The following F2R variants were observed in gnomAD, a reference collection of about 807,000 sequenced individuals.
F2R encodes the protein proteinase-activated receptor 1.
Under a neutral mutation model 18.3 loss-of-function variants are expected in F2R, and 12 were observed. The ratio of observed to expected loss-of-function variants is 0.66; its 90% CI spans 0.42 to 1.06. The LOEUF is 1.06. Ranked by LOEUF, F2R falls within the 50% of genes least tolerant of loss-of-function variation. F2R has a pLI of 0.00. For missense variants in F2R, 438 were observed against 530.8 expected (o/e 0.83, Z 1.72); for synonymous variants, 210 against 219.9 (o/e 0.95, Z 0.40).
At position 76,716,634 on chromosome 5, in the gene F2R, G is replaced by C. The variant is rs1435306453; in HGVS notation, c.88+239G>C. On this transcript the variant is annotated intron_variant, in intron 1 of 1. Coordinates refer to ENST00000319211, the MANE Select transcript of F2R (RefSeq NM_001992.5). ...TGGAGGGTGCAGCCCGCCTGCCACG[G>C]GGTGTTGGATATGGAGGAGGATGGA... The C allele has an allele frequency of 4.1e-6, 3 of 740,250 alleles. No homozygotes were observed. In the South Asian group the frequency reaches 4.3e-5, roughly 11 times the overall value. The allele number at this position is 740,250 out of a possible 1,614,324, so 45.9% of individuals were successfully genotyped here. A position where few individuals can be genotyped will look rare whatever the true frequency, so the allele number is the denominator to read the frequency against.
chr5:76,718,733 T>C (rs1344434336), intron 1 of F2R, among the ~76,000 whole-genome samples: 1 of 152,240 alleles, frequency 6.6e-6, no homozygotes, highest in Non-Finnish European at 1.5e-5. Flanking sequence ...GTCTAGACAA[T>C]TTAAGTGAGA....
intron 1 of F2R, among the ~76,000 whole-genome samples, chr5:76,728,431 G>A (rs937908884): frequency 1.1e-4 from 16 of 151,968 alleles, no homozygotes; most frequent in Non-Finnish European, 2.9e-5. Context: ...CCACATATAA[G>A]TGAAATCATG....
At chr5:76,729,981 T>C (rs1189645034) in intron 1 of F2R, among the ~76,000 whole-genome samples, 1 of 152,172 alleles carries the variant, frequency 6.6e-6, no homozygotes, top group East Asian at 1.9e-4. Context: ...TGTGACTTGC[T>C]CCTCCTTACC....
At chr5:76,726,763 T>A (rs1218607438) in intron 1 of F2R, among the ~76,000 whole-genome samples, 2 of 152,056 alleles carry the variant, frequency 1.3e-5, no homozygotes, top group African/African-American at 4.8e-5. Flanking sequence ...GATATTAAAG[T>A]GCCAGAACCA....
At chr5:76,723,432 T>C (rs915284099) in intron 1 of F2R, among the ~76,000 whole-genome samples, 5 of 152,220 alleles carry the variant, frequency 3.3e-5, no homozygotes, top group Admixed American at 3.3e-4. Context: ...TGACTTTGGA[T>C]TAGTTACTTA....
At chr5:76,726,009 G>A (rs2150581799) in intron 1 of F2R, among the ~76,000 whole-genome samples, 1 of 152,284 alleles carries the variant, frequency 6.6e-6, no homozygotes, top group South Asian at 2.1e-4. Flanking sequence ...AAGTATGCAT[G>A]TTCATGTCCA....
At position 76,724,345 on chromosome 5, in the gene F2R, A is replaced by G. The variant is rs1370364934; in HGVS notation, c.88+7950A>G. Among the ~76,000 whole-genome samples the G allele has an allele frequency of 3.3e-5, 5 of 152,228 alleles. No homozygotes were observed. The East Asian group carries it at 9.6e-4, about 29-fold the overall frequency. ...CTCGGCTTCCCGAAGTGCTGGCATT[A>G]CAGGCGTGAGCCACCGTGCCCGGCC... On this transcript the variant is annotated intron_variant, in intron 1 of 1. Coordinates refer to ENST00000319211, the MANE Select transcript of F2R (RefSeq NM_001992.5).
chr5:76,723,001 G>T (rs1748494419), intron 1 of F2R, among the ~76,000 whole-genome samples: 3 of 151,794 alleles, frequency 2.0e-5, no homozygotes, highest in Admixed American at 1.3e-4. Flanking sequence ...CTGTAGCAGA[G>T]ATTTTTGTTC....
intron 1 of F2R, among the ~76,000 whole-genome samples, chr5:76,723,363 G>A (rs1748501907): frequency 6.6e-6 from 1 of 152,228 alleles, no homozygotes; most frequent in Non-Finnish European, 1.5e-5. Context: ...CAAAAGGTAT[G>A]ACCTTTGGAG....
chr5:76,724,136 G>T (rs1218068264), intron 1 of F2R, among the ~76,000 whole-genome samples: 2 of 152,056 alleles, frequency 1.3e-5, no homozygotes, highest in Non-Finnish European at 2.9e-5. Flanking sequence ...GCACAATCAT[G>T]GCTCATCCAC....
At chr5:76,725,557 C>T (rs887851828) in intron 1 of F2R, among the ~76,000 whole-genome samples, 1 of 152,184 alleles carries the variant, frequency 6.6e-6, no homozygotes, top group African/African-American at 2.4e-5. Context: ...GGGTCTTGAG[C>T]TAGTTGGAAT....
intron 1 of F2R, among the ~76,000 whole-genome samples, chr5:76,720,479 A>G (rs1033597962): frequency 6.6e-6 from 1 of 152,090 alleles, no homozygotes; most frequent in African/African-American, 2.4e-5. Context: ...TAAATTAATC[A>G]TTTAAATTTA....
chr5:76,733,825 T>C lies in F2R; in HGVS notation c.*322T>C, dbSNP rs1164802905. 1 of 278,524 alleles carries C rather than the reference T, an allele frequency of 3.6e-6. No individual in the cohort carries two copies. The highest frequency in any genetic ancestry group is 6.8e-6 in the Non-Finnish European group (1 of 146,032). 17.3% of individuals were successfully genotyped at this position (278,524 alleles called of 1,614,324 possible). A position where few individuals can be genotyped will look rare whatever the true frequency, so the allele number is the denominator to read the frequency against. ...GATGTATGCACACACATATATTATT[T>C]GCAGTGCAGTATAGAATAGGCACTT... On this transcript the variant is annotated 3_prime_UTR_variant, in exon 2 of 2. Transcript: ENST00000319211.
chr5:76,726,373 T>C (rs1238475060), intron 1 of F2R, among the ~76,000 whole-genome samples: 1 of 151,006 alleles, frequency 6.6e-6, no homozygotes, highest in African/African-American at 2.4e-5. Flanking sequence ...CTTCTAAAAA[T>C]ACAAAAAATT....
Position 76,733,934 on chromosome 5 carries a change from A to G in F2R, c.*431A>G, listed in dbSNP as rs1269381415. On this transcript the variant is annotated 3_prime_UTR_variant, in exon 2 of 2. Transcript: ENST00000319211. ...TAATATGCAAAGTCTAGGTTGGTAG[A>G]GTTTAGCCCTGAACATTTCATGGTG... 6.0e-6 allele frequency: 1 copy of G among 166,574 alleles called. No homozygotes were observed. Among genetic ancestry groups the G allele is most frequent in the East Asian group, 1.7e-4 (1 of 5,854 alleles). The allele number at this position is 166,574 out of a possible 1,614,324, so 10.3% of individuals were successfully genotyped here.
Position 76,733,064 on chromosome 5 carries a change from T to C in F2R, c.839T>C (p.Phe280Ser), listed in dbSNP as rs374309035. 1.9e-6 allele frequency: 3 copies of C among 1,614,058 alleles called. No individual in the cohort carries two copies. The highest frequency in any genetic ancestry group is 2.7e-5 in the African/African-American group (2 of 74,930). Residue 280 changes from phenylalanine to serine, a missense_variant, in exon 2 of 2, where the codon TTT (phenylalanine) becomes TCT (serine). Physicochemically the swap from Phe to Ser is radical, Grantham distance 155 (BLOSUM62 -2). Transcript: ENST00000319211. ...TCAGCCTTCTCTGCTGTCTTCTTTT[T>C]TGTGCCGCTGATCATTTCCACGGTC... ...YFSAFSAVFF[F>S]VPLIISTVCY...
chr5:76,727,275 G>T, intron 1 of F2R, among the ~76,000 whole-genome samples: 1 of 152,252 alleles, frequency 6.6e-6, no homozygotes, highest in Admixed American at 6.5e-5. Context: ...CCAGTTGCCA[G>T]ATTTGTAGGC....
chr5:76,732,651 G>T lies in F2R; in HGVS notation c.426G>T (p.Leu142=). ...KVKKPAVVYM[L]HLATADVLFV... is the part of the protein sequence containing the mutation. ...AGAAGCCGGCGGTGGTGTACATGCT[G>T]CACCTGGCCACGGCAGATGTGCTGT... is the stretch of plus-strand genomic sequence containing the variant. Residue 142 remains leucine (L), a synonymous_variant, in exon 2 of 2, where the codon CTG becomes CTT. Coordinates refer to ENST00000319211, the MANE Select transcript of F2R (RefSeq NM_001992.5). 1 of 1,614,162 alleles carries T rather than the reference G, an allele frequency of 6.2e-7. No individual in the cohort carries two copies. The highest frequency in any genetic ancestry group is 8.5e-7 in the Non-Finnish European group (1 of 1,180,036).
intron 1 of F2R, among the ~76,000 whole-genome samples, chr5:76,717,561 G>A (rs1748369798): frequency 6.6e-6 from 1 of 152,110 alleles, no homozygotes; most frequent in Admixed American, 6.5e-5. Flanking sequence ...GATGCTTTTG[G>A]GAAAACTAAG....
Sources: allele counts gnomAD v4.1 joint callset (sites outside exome capture counted in the v4.1 genomes callset), GRCh38; gene constraint gnomAD v4.1.1; transcripts MANE v1.5; gene names NCBI Gene and HGNC (gene_info 2026-07-23, HGNC 2026-07-21).